Variants in TBC1D8 observed in about 807,000 individuals in gnomAD.
TBC1D8 encodes the protein BUB2-like protein 1.
TBC1D8 carries 65 observed loss-of-function variants against 118.8 expected under a neutral mutation model. The ratio of observed to expected loss-of-function variants is 0.55; its 90% CI spans 0.45 to 0.67. The LOEUF is 0.67. TBC1D8 is among the 30% of genes least tolerant of loss of function. The pLI, the probability that TBC1D8 is intolerant of heterozygous loss-of-function variation, is 0.00. For missense variants in TBC1D8, 1,376 were observed against 1,471.2 expected, an observed-to-expected ratio of 0.94 and a Z score of 1.06; for synonymous variants, 566 against 595.8, an observed-to-expected ratio of 0.95 and a Z score of 0.73.
chr2:101,052,918 T>A (rs1190653868), intron 4 of TBC1D8, among the ~76,000 whole-genome samples: 2 of 152,222 alleles, frequency 1.3e-5, no homozygotes, highest in Non-Finnish European at 2.9e-5. Flanking sequence ...GCTGCTTTCA[T>A]AAAAACTCTT....
chr2:101,024,367 A>AAT (rs1461877488), intron 15 of TBC1D8, among the ~76,000 whole-genome samples: 1 of 151,918 alleles, frequency 6.6e-6, no homozygotes, highest in African/African-American at 2.4e-5. Context: ...AGTGTGGGGA[A>AAT]ATGAGTCCTC....
chr2:101,030,328 A>C (rs1290877350), intron 11 of TBC1D8, among the ~76,000 whole-genome samples: 1 of 150,650 alleles, frequency 6.6e-6, no homozygotes, highest in African/African-American at 2.5e-5. Context: ...CAACTTAGTA[A>C]GAAGGTAACA....
intron 1 of TBC1D8, among the ~76,000 whole-genome samples, chr2:101,094,914 T>G (rs1676296668): frequency 6.6e-6 from 1 of 152,268 alleles, no homozygotes; most frequent in East Asian, 1.9e-4. Flanking sequence ...TAGAGAGAGA[T>G]GGAAGAATCC....
At chr2:101,112,873 T>C (rs1457139612) in intron 1 of TBC1D8, among the ~76,000 whole-genome samples, 1 of 152,202 alleles carries the variant, frequency 6.6e-6, no homozygotes, top group African/African-American at 2.4e-5. Context: ...GCAGCACTCT[T>C]TTGCCAGTTT....
intron 5 of TBC1D8, among the ~76,000 whole-genome samples, chr2:101,045,137 G>A (rs936562712): frequency 6.6e-6 from 1 of 152,130 alleles, no homozygotes; most frequent in African/African-American, 2.4e-5. Flanking sequence ...ATTTGTTGCT[G>A]AAGCTTAAAT....
intron 17 of TBC1D8, chr2:101,018,856 A>G (rs1558623513): frequency 3.8e-6 from 4 of 1,041,480 alleles, no homozygotes; most frequent in Non-Finnish European, 5.5e-6. Flanking sequence ...TCCAATTAGT[A>G]TAATTAACTA....
chr2:101,110,079 A>G, intron 1 of TBC1D8: 1 of 942,086 alleles, frequency 1.1e-6, no homozygotes, highest in South Asian at 4.9e-5. Context: ...TGGCTGAGAT[A>G]GATGTCAAGT....
At chr2:101,103,279 AC>A (rs1273588463) in intron 1 of TBC1D8, among the ~76,000 whole-genome samples, 1 of 151,238 alleles carries the variant, frequency 6.6e-6, no homozygotes, top group Non-Finnish European at 1.5e-5. Flanking sequence ...CAATTGATAC[AC>A]AAAAAATGTT....
intron 9 of TBC1D8, among the ~76,000 whole-genome samples, chr2:101,034,999 C>G (rs1472261010): frequency 6.6e-6 from 1 of 151,644 alleles, no homozygotes; most frequent in Non-Finnish European, 1.5e-5. Context: ...CTGGGCATCT[C>G]GGGCAGGAGG....
intron 1 of TBC1D8, among the ~76,000 whole-genome samples, chr2:101,142,066 T>C (rs1679128190): frequency 1.3e-5 from 2 of 152,142 alleles, no homozygotes; most frequent in Non-Finnish European, 2.9e-5. Flanking sequence ...GATGTACCAC[T>C]GTGGGAAGTT....
At chr2:101,086,561 T>C (rs959090579) in intron 2 of TBC1D8, among the ~76,000 whole-genome samples, 20 of 150,858 alleles carry the variant, frequency 1.3e-4, no homozygotes, top group Non-Finnish European at 2.7e-4. Context: ...ACTCATCATA[T>C]GCAAAGCAAA....
At chr2:101,079,474 G>C (rs138783811) in intron 2 of TBC1D8, among the ~76,000 whole-genome samples, 8 of 151,944 alleles carry the variant, frequency 5.3e-5, no homozygotes, top group Non-Finnish European at 7.4e-5. Context: ...TCCCAGGCTC[G>C]AGCAATCCTC....
rs1387780851 is a variant in TBC1D8, at chr2:101,023,293, C to T, written c.2521-772G>A. ...CCGAGTAGCTGGGATTACAGGTGCC[C>T]GCCACCACACCCAGCTAACTTTTTG... On this transcript the variant is annotated intron_variant, in intron 15 of 19. Transcript: ENST00000409318. Among the ~76,000 whole-genome samples, 4 of 151,788 alleles carry T rather than the reference C, an allele frequency of 2.6e-5. No individual in the cohort carries two copies. The East Asian group carries it at 5.9e-4, about 23-fold the overall frequency.
chr2:101,043,926 GC>G (rs1681541409), intron 5 of TBC1D8, among the ~76,000 whole-genome samples: 1 of 151,892 alleles, frequency 6.6e-6, no homozygotes, highest in South Asian at 2.1e-4. Context: ...GGCAACAAGA[GC>G]AAAAGTCTGT....
At chr2:101,026,413 G>A (rs984212001) in intron 15 of TBC1D8, among the ~76,000 whole-genome samples, 2 of 152,206 alleles carry the variant, frequency 1.3e-5, no homozygotes, top group Non-Finnish European at 2.9e-5. Flanking sequence ...AAAGCGGCCT[G>A]CTAGTTCTCA....
chr2:101,027,377 G>A lies in TBC1D8; in HGVS notation c.2520+6C>T. On this transcript the variant is annotated splice_donor_region_variant and intron_variant, in intron 15 of 19. Transcript: ENST00000409318. ...TGGAACCCCTCATCTTCCCAGAGCT[G>A]CGTACCTTGAATAAGTCGTAGAGCT... 6.2e-7 allele frequency: 1 copy of A among 1,612,742 alleles called. No individual in the cohort carries two copies. The highest frequency in any genetic ancestry group is 8.5e-7 in the Non-Finnish European group (1 of 1,178,960).
intron 2 of TBC1D8, among the ~76,000 whole-genome samples, chr2:101,089,921 T>G (rs1468291185): frequency 1.2e-5 from 1 of 83,548 alleles, no homozygotes; most frequent in Non-Finnish European, 2.4e-5. Context: ...CTTTCGATGG[T>G]TTTTAAAAAA....
chr2:101,117,311 G>A (rs940655931), intron 1 of TBC1D8, among the ~76,000 whole-genome samples: 20 of 152,136 alleles, frequency 1.3e-4, no homozygotes, highest in Admixed American at 2.0e-4. Context: ...TCTTTTCCAC[G>A]CACAGAGTGA....
In TBC1D8 at chr2:101,009,651, T is replaced by A. The variant is rs955845785; in HGVS notation, c.3015+1278A>T. ...AGTAGAATGAGCATCTGAGAGCAAT[T>A]CCCAGCACAGTAGACGAGCAGCATT... On this transcript the variant is annotated intron_variant, in intron 19 of 19. Transcript: ENST00000409318. Among the ~76,000 whole-genome samples, 3 of 151,868 alleles carry A rather than the reference T, an allele frequency of 2.0e-5. No individual in the cohort carries two copies. In the East Asian group the frequency reaches 5.8e-4, roughly 29 times the overall value.
Sources: gnomAD v4.1 joint callset for allele counts (sites outside exome capture counted in the v4.1 genomes callset) on GRCh38, gnomAD v4.1.1 for gene constraint, MANE v1.5 for transcripts, NCBI Gene and HGNC (gene_info 2026-07-23, HGNC 2026-07-21) for gene names.